Variants in CPQ observed in about 807,000 individuals in gnomAD.
CPQ encodes the protein Ser-Met dipeptidase.
Under a neutral mutation model 45.7 loss-of-function variants are expected in CPQ, and 37 were observed. The observed-to-expected ratio is 0.81, with a 90% CI of 0.62 to 1.07. The LOEUF (loss-of-function observed/expected upper bound fraction) is 1.07. CPQ is among the 50% of genes least tolerant of loss of function. The pLI is 0.00. For synonymous variants in CPQ, 186 were observed against 205.8 expected (o/e 0.90, Z 0.82); for missense variants, 537 against 572.9 (o/e 0.94, Z 0.64).
rs530508179 is a variant in CPQ at position 96,742,417 on chromosome 8, G to T, written c.-34-42447G>T. 6.6e-5 allele frequency among the ~76,000 whole-genome samples: 10 copies of T among 152,314 alleles called. No individual in the cohort carries two copies. The East Asian group carries it at 1.9e-3, about 29-fold the overall frequency. On this transcript the variant is annotated intron_variant, in intron 1 of 7. Coordinates refer to ENST00000220763, the MANE Select transcript of CPQ (RefSeq NM_016134.4). Reference sequence around the variant, plus strand: ...TGAATACAGCACACTGATGGGTCTTGACTCTTTATCCAATTTGCCAGTCTG... The same window carrying T: ...TGAATACAGCACACTGATGGGTCTTTACTCTTTATCCAATTTGCCAGTCTG...
At chr8:96,926,578 CTT>C (rs1812884893) in intron 4 of CPQ, among the ~76,000 whole-genome samples, 1 of 102,572 alleles carries the variant, frequency 9.7e-6, no homozygotes, top group Non-Finnish European at 2.2e-5. Context: ...TCCTCTTCCT[CTT>C]CTTCTTCTTC....
intron 2 of CPQ, among the ~76,000 whole-genome samples, chr8:96,833,414 T>A (rs1811485306): frequency 6.6e-6 from 1 of 152,192 alleles, no homozygotes; most frequent in Non-Finnish European, 1.5e-5. Context: ...GAAATTTGGC[T>A]TCATTTCTAG....
intron 5 of CPQ, among the ~76,000 whole-genome samples, chr8:97,009,927 C>G (rs748946657): frequency 6.6e-6 from 1 of 152,172 alleles, no homozygotes; most frequent in Non-Finnish European, 1.5e-5. Flanking sequence ...TGCTTTGTAT[C>G]TACCTTTGTA....
chr8:96,734,576 T>G (rs890674014), intron 1 of CPQ, among the ~76,000 whole-genome samples: 2 of 151,914 alleles, frequency 1.3e-5, no homozygotes, highest in Non-Finnish European at 2.9e-5. Context: ...CTGGGCGTGG[T>G]GGCAGGCGCA....
chr8:97,101,413 T>C (rs1373249829), intron 7 of CPQ, among the ~76,000 whole-genome samples: 1 of 151,680 alleles, frequency 6.6e-6, no homozygotes, highest in African/African-American at 2.4e-5. Context: ...AAATATATAG[T>C]ATTTCTGCCG....
At chr8:96,918,740 C>T (rs990513027) in intron 4 of CPQ, among the ~76,000 whole-genome samples, 12 of 152,062 alleles carry the variant, frequency 7.9e-5, no homozygotes, top group African/African-American at 2.9e-4. Flanking sequence ...CCACTGTGCC[C>T]AGGTCACTAA....
chr8:97,111,025 A>T (rs923887487), intron 7 of CPQ, among the ~76,000 whole-genome samples: 32 of 152,192 alleles, frequency 2.1e-4, no homozygotes, highest in African/African-American at 7.2e-4. Flanking sequence ...CAACATAAAA[A>T]ATAGCTATTT....
chr8:97,044,877 G>C lies in CPQ; in HGVS notation c.1053+15383G>C, dbSNP rs558775806. On this transcript the variant is annotated intron_variant, in intron 6 of 7. Transcript: ENST00000220763. Reference sequence around the variant, plus strand: ...CTCAGAGGAGTACCCGGCTGTGTGAGGTGTCAGTCTGCCCCTACTGGGGGG... The same window carrying C: ...CTCAGAGGAGTACCCGGCTGTGTGACGTGTCAGTCTGCCCCTACTGGGGGG... Among the ~76,000 whole-genome samples the C allele has an allele frequency of 1.1e-4, 17 of 152,288 alleles. 1 individual carries two copies.
chr8:96,674,096 T>C (rs191477114), intron 1 of CPQ, among the ~76,000 whole-genome samples: 110 of 152,166 alleles, frequency 7.2e-4, no homozygotes, highest in African/African-American at 2.6e-3. Flanking sequence ...GGTAATGCAG[T>C]ATGTCAACCA....
At chr8:96,896,310 G>A (rs1812441964) in intron 4 of CPQ, among the ~76,000 whole-genome samples, 1 of 152,040 alleles carries the variant, frequency 6.6e-6, no homozygotes, top group Non-Finnish European at 1.5e-5. Context: ...CACACTTCCT[G>A]TAAGATAATA....
chr8:96,703,415 A>G (rs1268560086), intron 1 of CPQ, among the ~76,000 whole-genome samples: 1 of 152,206 alleles, frequency 6.6e-6, no homozygotes, highest in Non-Finnish European at 1.5e-5. Flanking sequence ...TGCTCCATAA[A>G]TGCTTATTGA....
At chr8:96,692,725 C>A (rs1283975541) in intron 1 of CPQ, among the ~76,000 whole-genome samples, 1 of 152,130 alleles carries the variant, frequency 6.6e-6, no homozygotes, top group Non-Finnish European at 1.5e-5. Flanking sequence ...CTAAGAAGGA[C>A]AGGTACAAAT....
chr8:96,839,891 A>G (rs1185301364), intron 3 of CPQ, among the ~76,000 whole-genome samples: 2 of 152,230 alleles, frequency 1.3e-5, no homozygotes, highest in East Asian at 1.9e-4. Flanking sequence ...ATGTAACCCA[A>G]TAGAAGTAGA....
chr8:97,017,451 C>T (rs1240389843), intron 5 of CPQ, among the ~76,000 whole-genome samples: 2 of 152,170 alleles, frequency 1.3e-5, no homozygotes, highest in Non-Finnish European at 2.9e-5. Flanking sequence ...GCAGACTCCA[C>T]AGGCAAGGGA....
intron 6 of CPQ, 147 bp downstream of exon 6, chr8:97,029,641 G>A: frequency 2.9e-6 from 2 of 684,028 alleles, no homozygotes; most frequent in Non-Finnish European, 2.6e-6. Context: ...CCAGCCCTGT[G>A]AATGAGAATG....
chr8:96,777,758 ATATTTTTTTTTT>A (rs1810633664), intron 1 of CPQ, among the ~76,000 whole-genome samples: 1 of 11,160 alleles, frequency 9.0e-5, no homozygotes, highest in African/African-American at 4.2e-4. Flanking sequence ...ATATATATAT[ATATTTTTTTTTT>A]TTTTTTTTTT....
intron 4 of CPQ, among the ~76,000 whole-genome samples, chr8:96,947,636 T>C (rs1813208727): frequency 6.6e-6 from 1 of 152,136 alleles, no homozygotes; most frequent in Non-Finnish European, 1.5e-5. Flanking sequence ...AAACTGCTAT[T>C]GGGATTTTGA....
At chr8:97,047,792 A>C (rs1224141435) in intron 6 of CPQ, among the ~76,000 whole-genome samples, 1 of 152,210 alleles carries the variant, frequency 6.6e-6, no homozygotes, top group African/African-American at 2.4e-5. Context: ...TTCTAATAAT[A>C]ATAAATGTTA....
intron 1 of CPQ, among the ~76,000 whole-genome samples, chr8:96,763,010 T>C (rs1029378879): frequency 3.0e-4 from 45 of 152,010 alleles, no homozygotes; most frequent in African/African-American, 1.1e-3. Flanking sequence ...GTAAGCAGGG[T>C]TGGTTTCTTC....
Sources: allele counts gnomAD v4.1 joint callset (sites outside exome capture counted in the v4.1 genomes callset), GRCh38; gene constraint gnomAD v4.1.1; transcripts MANE v1.5; gene names NCBI Gene and HGNC (gene_info 2026-07-23, HGNC 2026-07-21).